MPZL1: variants seen among roughly 807,000 people sequenced by gnomAD.
The protein encoded by MPZL1 is myelin protein zero-like protein 1.
Under a neutral mutation model 29.3 loss-of-function variants are expected in MPZL1, and 16 were observed. The ratio of observed to expected loss-of-function variants is 0.55; its 90% CI spans 0.37 to 0.83. MPZL1 has a LOEUF of 0.83. MPZL1 is among the 40% of genes least tolerant of loss of function. MPZL1 has a pLI of 0.00. For missense variants in MPZL1, 279 were observed against 332.9 expected (o/e 0.84, Z 1.26); for synonymous variants, 143 against 132.0 (o/e 1.08, Z -0.57).
In MPZL1 at chr1:167,763,275, G is replaced by C. The variant is rs74319551; in HGVS notation, c.92-2308G>C. ...CACGCCTGTAATCCCAGCACTTTGG[G>C]GGGGCCGGGGCTGGTGAATCACCTG... On this transcript the variant is annotated intron_variant, in intron 1 of 5. Transcript: ENST00000359523. 2.0e-5 allele frequency among the ~76,000 whole-genome samples: 3 copies of C among 151,998 alleles called. No homozygotes were observed. In the South Asian group the frequency reaches 6.2e-4, roughly 32 times the overall value.
chr1:167,728,512 C>A (rs962757285), intron 1 of MPZL1, among the ~76,000 whole-genome samples: 1 of 151,964 alleles, frequency 6.6e-6, no homozygotes, highest in Non-Finnish European at 1.5e-5. Context: ...CCAACCTATT[C>A]ATTGTCTTTT....
rs1660036460 is a variant in MPZL1, at chr1:167,721,985, G to A, written c.-167G>A. ...GGAGTGGGGCTGAGGCTTCGGTGCA[G>A]AGCTGGAGAGCCGCGGCTGGGACCG... is the stretch of plus-strand genomic sequence containing the variant. On this transcript the variant is annotated 5_prime_UTR_variant, in exon 1 of 6. Coordinates refer to ENST00000359523, the MANE Select transcript of MPZL1 (RefSeq NM_003953.6). 4 of 1,031,154 alleles carry A rather than the reference G, an allele frequency of 3.9e-6. No individual in the cohort carries two copies. The highest frequency in any genetic ancestry group is 3.5e-4 in the Middle Eastern group (1 of 2,842). 63.9% of individuals were successfully genotyped at this position (1,031,154 alleles called of 1,614,324 possible).
At position 167,787,897 on chromosome 1, in the gene MPZL1, G is replaced by A; in HGVS notation, c.786G>A (p.Val262=). 1 of 1,612,844 alleles carries A rather than the reference G, an allele frequency of 6.2e-7. No homozygotes were observed. Among genetic ancestry groups the A allele is most frequent in the African/African-American group, 1.3e-5 (1 of 75,024 alleles). The change falls in exon 6 of 6, where the codon GTG becomes GTA. Residue 262 remains valine, a synonymous_variant. Transcript: ENST00000359523. ...AGATTAACAAGTCAGAGTCTGTGGT[G>A]TATGCGGATATCCGAAAGAATTAAG... is the stretch of plus-strand genomic sequence containing the variant. ...SDKINKSESV[V]YADIRKN
At chr1:167,743,457 C>T (rs554852501) in intron 1 of MPZL1, among the ~76,000 whole-genome samples, 183 of 152,068 alleles carry the variant, frequency 1.2e-3, no homozygotes, top group African/African-American at 4.0e-3. Context: ...CCTCCCGCCT[C>T]GGCCTCCCAA....
intron 1 of MPZL1, among the ~76,000 whole-genome samples, chr1:167,745,337 C>T (rs1347602819): frequency 6.6e-6 from 1 of 151,954 alleles, no homozygotes; most frequent in East Asian, 1.9e-4. Flanking sequence ...TGTTATGGGG[C>T]AAAAATCTTG....
At chr1:167,723,162 T>C (rs1322013414) in intron 1 of MPZL1, among the ~76,000 whole-genome samples, 2 of 152,244 alleles carry the variant, frequency 1.3e-5, no homozygotes, top group South Asian at 2.1e-4. Flanking sequence ...AGTTAAATAA[T>C]AGTTATAAAG....
intron 1 of MPZL1, among the ~76,000 whole-genome samples, chr1:167,745,057 T>C (rs935998495): frequency 6.6e-6 from 1 of 152,110 alleles, no homozygotes; most frequent in Non-Finnish European, 1.5e-5. Context: ...CCCATGCAGG[T>C]ACAAGAATGG....
chr1:167,729,897 T>G (rs1240568868), intron 1 of MPZL1, among the ~76,000 whole-genome samples: 1 of 152,248 alleles, frequency 6.6e-6, no homozygotes, highest in Non-Finnish European at 1.5e-5. Context: ...TTCAGAGAGA[T>G]TGTGTAACTT....
chr1:167,744,779 A>G (rs1289664521), intron 1 of MPZL1, among the ~76,000 whole-genome samples: 2 of 152,038 alleles, frequency 1.3e-5, no homozygotes, highest in Non-Finnish European at 2.9e-5. Context: ...AGACTCCAAC[A>G]ACTAGTAAAT....
intron 2 of MPZL1, among the ~76,000 whole-genome samples, chr1:167,766,765 T>C (rs890484513): frequency 6.6e-6 from 1 of 152,196 alleles, no homozygotes; most frequent in Non-Finnish European, 1.5e-5. Flanking sequence ...TGGGAGACAC[T>C]GACTCAAGAG....
At chr1:167,727,287 A>G (rs2101744630) in intron 1 of MPZL1, among the ~76,000 whole-genome samples, 1 of 152,318 alleles carries the variant, frequency 6.6e-6, no homozygotes, top group Admixed American at 6.5e-5. Context: ...AATATAGTAC[A>G]GCCACAGTCA....
chr1:167,768,163 C>T (rs575278074), intron 2 of MPZL1, among the ~76,000 whole-genome samples: 1 of 152,274 alleles, frequency 6.6e-6, no homozygotes, highest in South Asian at 2.1e-4. Context: ...TTTCACCTTG[C>T]CACTGCAGGT....
chr1:167,757,339 A>T (rs1660889322), intron 1 of MPZL1, among the ~76,000 whole-genome samples: 1 of 152,248 alleles, frequency 6.6e-6, no homozygotes, highest in Non-Finnish European at 1.5e-5. Context: ...TCACTGGAGC[A>T]TTCTGAAACT....
intron 1 of MPZL1, among the ~76,000 whole-genome samples, chr1:167,750,169 T>TTTTTCTTTTCTTTTCTTTTTCC (rs1185830180): frequency 6.6e-6 from 1 of 152,004 alleles, no homozygotes. Flanking sequence ...TTCACCCAGG[T>TTTTTCTTTTCTTTTCTTTTTCC]TTTTCTTTTC....
At chr1:167,745,511 C>T (rs1380595958) in intron 1 of MPZL1, among the ~76,000 whole-genome samples, 1 of 151,966 alleles carries the variant, frequency 6.6e-6, no homozygotes, top group Non-Finnish European at 1.5e-5. Flanking sequence ...ACTGATGATG[C>T]TGAAATGTTG....
intron 1 of MPZL1, among the ~76,000 whole-genome samples, chr1:167,756,429 A>AT (rs11455159): frequency 0.044 from 4,151 of 94,556 alleles, 105 homozygotes; most frequent in Middle Eastern, 0.092. Flanking sequence ...GTCTGGCCAG[A>AT]TTTTTTTTTT....
At chr1:167,729,901 G>A (rs556407966) in intron 1 of MPZL1, among the ~76,000 whole-genome samples, 1 of 152,324 alleles carries the variant, frequency 6.6e-6, no homozygotes, top group Admixed American at 6.5e-5. Flanking sequence ...GAGAGATTGT[G>A]TAACTTAAGG....
In MPZL1 at chr1:167,722,183, T is replaced by C. The variant is rs937713615; in HGVS notation, c.32T>C (p.Ile11Thr). 7 of 1,237,892 alleles carry C rather than the reference T, an allele frequency of 5.7e-6. No individual in the cohort carries two copies. Among genetic ancestry groups the C allele is most frequent in the Non-Finnish European group, 7.1e-6 (7 of 988,162 alleles). 76.7% of individuals were successfully genotyped at this position (1,237,892 alleles called of 1,614,324 possible). The change falls in exon 1 of 6, where the codon ATT (isoleucine) becomes ACT (threonine). Residue 11 changes from isoleucine to threonine, a missense_variant. Transcript: ENST00000359523. ...GCGTCCGCCGGAGCCGGGGCGGTGATTGCAGCCCCAGACAGCCGGCGCTGG... is the reference window on the plus strand; with the variant it reads ...GCGTCCGCCGGAGCCGGGGCGGTGACTGCAGCCCCAGACAGCCGGCGCTGG... Reference protein sequence around the residue: MAASAGAGAVIAAPDSRRWLW... With the variant: MAASAGAGAVTAAPDSRRWLW...
intron 5 of MPZL1, among the ~76,000 whole-genome samples, chr1:167,779,839 C>G (rs1382669286): frequency 1.3e-5 from 2 of 152,292 alleles, no homozygotes; most frequent in South Asian, 2.1e-4. Flanking sequence ...CTAACAAGCT[C>G]TATCTCCGAA....
Sources: gnomAD v4.1 joint callset for allele counts (sites outside exome capture counted in the v4.1 genomes callset) on GRCh38, gnomAD v4.1.1 for gene constraint, MANE v1.5 for transcripts, NCBI Gene and HGNC (gene_info 2026-07-23, HGNC 2026-07-21) for gene names.